The following ZNF581 variants were observed in gnomAD, a reference collection of about 807,000 sequenced individuals.
ZNF581 encodes the protein zinc finger protein 581.
In ZNF581, 1 loss-of-function variant was observed where a neutral mutation model predicts 1.2. The observed-to-expected ratio is 0.83, with a 90% CI of 0.30 to 3.95. The LOEUF (loss-of-function observed/expected upper bound fraction) is 3.95, where lower values mean the gene tolerates loss of function less well. Ranked by LOEUF, ZNF581 falls within the 30% of genes most tolerant of loss-of-function variation. The pLI is 0.18. For missense variants in ZNF581, 273 were observed against 274.6 expected, an observed-to-expected ratio of 0.99 and a Z score of 0.04; for synonymous variants, 105 against 109.2, an observed-to-expected ratio of 0.96 and a Z score of 0.24.
upstream of ZNF581, chr19:55,641,947 C>A (rs1409970218): frequency 2.8e-6 from 2 of 706,878 alleles, no homozygotes; most frequent in Admixed American, 9.9e-5. Flanking sequence ...AGGGAGGCCA[C>A]GGAATATGAA....
Position 55,645,451 on chromosome 19 carries a change from G to C in ZNF581, c.*286G>C. 3.0e-6 allele frequency: 1 copy of C among 336,956 alleles called. No individual in the cohort carries two copies. The highest frequency in any genetic ancestry group is 4.7e-5 in the Admixed American group (1 of 21,404). The allele number at this position is 336,956 out of a possible 1,614,324, so 20.9% of individuals were successfully genotyped here. A position where few individuals can be genotyped will look rare whatever the true frequency, so the allele number is the denominator to read the frequency against. On this transcript the variant is annotated 3_prime_UTR_variant, in exon 2 of 2. Transcript: ENST00000270451. ...AGAGCCTTGACTGGATGGAGGTGGGGAGTGTGGTGTGTAAAGTCTCTGGCC... is the reference window on the plus strand; with the variant it reads ...AGAGCCTTGACTGGATGGAGGTGGGCAGTGTGGTGTGTAAAGTCTCTGGCC...
chr19:55,640,780 G>GT, upstream of ZNF581: 6 of 985,500 alleles, frequency 6.1e-6, no homozygotes, highest in Non-Finnish European at 7.2e-6. Flanking sequence ...GGGCGAAGAC[G>GT]TAACTTTGCT....
upstream of ZNF581, among the ~76,000 whole-genome samples, chr19:55,637,129 A>ATT (rs34438599): frequency 6.6e-6 from 1 of 151,744 alleles, no homozygotes; most frequent in Non-Finnish European, 1.5e-5. Flanking sequence ...TATTATTATC[A>ATT]TTTTTTTTGG....
chr19:55,640,207 G>GAGTGCTGCCGCGTGTGCAGCTCTCC, upstream of ZNF581: 1 of 985,476 alleles, frequency 1.0e-6, no homozygotes, highest in Non-Finnish European at 1.2e-6. Context: ...CAGCTGCCCC[G>GAGTGCTGCCGCGTGTGCAGCTCTCC]AGTGCTGCCG....
chr19:55,640,089 C>T (rs1319144145), upstream of ZNF581: 1 of 980,836 alleles, frequency 1.0e-6, no homozygotes, highest in Admixed American at 6.1e-5. Flanking sequence ...TTGGGGCTCG[C>T]TGTGACAGTT....
At chr19:55,642,666 A>G (rs1982592349), upstream of ZNF581, 1 of 1,410,994 alleles carries the variant, frequency 7.1e-7, no homozygotes, top group Non-Finnish European at 9.3e-7. Context: ...CTGGGCCGCC[A>G]CCTCCTCATC....
upstream of ZNF581, chr19:55,641,056 C>A (rs994635251): frequency 4.4e-5 from 43 of 985,278 alleles, no homozygotes; most frequent in African/African-American, 6.6e-4. Context: ...CCAGTCCCCG[C>A]GTCCCCGGCG....
upstream of ZNF581, chr19:55,641,842 C>A (rs1208593412): frequency 1.2e-5 from 2 of 160,466 alleles, no homozygotes; most frequent in African/African-American, 4.8e-5. Context: ...GACTAGACTT[C>A]GAGGTGCTAA....
chr19:55,642,735 C>CG, upstream of ZNF581: 1 of 1,515,790 alleles, frequency 6.6e-7, no homozygotes. Flanking sequence ...CCCCGGGGCC[C>CG]GCCCCAGCGC....
chr19:55,638,231 T>TTTTG (rs149274660), upstream of ZNF581, among the ~76,000 whole-genome samples: 108 of 151,940 alleles, frequency 7.1e-4, no homozygotes, highest in Middle Eastern at 3.4e-3. Context: ...TGACACGCTT[T>TTTTG]TTTGTTTGTT....
upstream of ZNF581, among the ~76,000 whole-genome samples, chr19:55,641,357 G>A (rs1214813374): frequency 6.6e-6 from 1 of 152,216 alleles, no homozygotes; most frequent in Non-Finnish European, 1.5e-5. Context: ...GGAAGTGAAG[G>A]CAATAGGAGG....
chr19:55,640,813 C>T, upstream of ZNF581: 2 of 985,520 alleles, frequency 2.0e-6, no homozygotes, highest in Non-Finnish European at 2.4e-6. Flanking sequence ...ATTGGCCGAT[C>T]TCTTGTCAAG....
In ZNF581 at chr19:55,645,003, C is replaced by A; in HGVS notation, c.432C>A (p.Pro144=). 6.3e-7 allele frequency: 1 copy of A among 1,599,560 alleles called. No homozygotes were observed. Among genetic ancestry groups the A allele is most frequent in the Non-Finnish European group, 8.6e-7 (1 of 1,168,788 alleles). Residue 144 remains proline, a synonymous_variant, in exon 2 of 2, where the codon CCC becomes CCA. Transcript: ENST00000270451. ...TTCACCTGGCGGGTGGTGGGCGGCC[C>A]CACGGCTGCCCGCTCTGCCCTCGCC... ...HSIHLAGGGR[P]HGCPLCPRRF... is the part of the protein sequence containing the mutation.
At chr19:55,640,276 TCCTTC>T (rs1982371873), upstream of ZNF581, 1 of 985,322 alleles carries the variant, frequency 1.0e-6, no homozygotes, top group African/African-American at 1.7e-5. Context: ...GACGCCGGAG[TCCTTC>T]GCATGCGCAG....
intron 1 of ZNF581, chr19:55,635,774 C>T: frequency 1.1e-6 from 1 of 944,508 alleles, no homozygotes; most frequent in Non-Finnish European, 1.3e-6. Context: ...CCTTTCATGG[C>T]AGGCTGAGGG....
upstream of ZNF581, chr19:55,640,268 C>T (rs1181510398): frequency 4.1e-6 from 4 of 985,356 alleles, no homozygotes; most frequent in Non-Finnish European, 3.6e-6. Context: ...TTGCTTTCGA[C>T]GCCGGAGTCC....
chr19:55,641,349 A>T (rs1210968269), upstream of ZNF581, among the ~76,000 whole-genome samples: 1 of 151,960 alleles, frequency 6.6e-6, no homozygotes, highest in Non-Finnish European at 1.5e-5. Flanking sequence ...CTCCTTGGGG[A>T]AGTGAAGGCA....
rs1396004968 is a variant in ZNF581, at chr19:55,644,820, G to C, written c.249G>C (p.Gln83His). Residue 83 changes from glutamine (Q) to histidine (H), a missense_variant, in exon 2 of 2, where the codon CAG becomes CAC. Gln to His is a conservative substitution (Grantham distance 24). Transcript: ENST00000270451. This position sits in a 1 kb window ranked among gnomAD's most constrained non-coding sequence, Gnocchi z 4.3. ...CAGGGGCCAGTGGGGCTCCAGGCCA[G>C]AAAAAGTGCTACAGCTGCCCCGTGT... The part of the protein sequence containing the change: ...REPGASGAPG[Q>H]KKCYSCPVCS... 1 of 1,612,544 alleles carries C rather than the reference G, an allele frequency of 6.2e-7. No homozygotes were observed. The highest frequency in any genetic ancestry group is 8.5e-7 in the Non-Finnish European group (1 of 1,178,642).
chr19:55,635,853 C>A, intron 1 of ZNF581: 2 of 352,456 alleles, frequency 5.7e-6, no homozygotes, highest in Non-Finnish European at 8.0e-6. Flanking sequence ...ATAGGTGACA[C>A]CTAGCCAACT....
Sources: gnomAD v4.1 joint callset for allele counts (sites outside exome capture counted in the v4.1 genomes callset) on GRCh38, gnomAD v4.1.1 for gene constraint, Gnocchi (gnomAD v3.1) non-coding constraint, MANE v1.5 for transcripts, NCBI Gene and HGNC (gene_info 2026-07-23, HGNC 2026-07-21) for gene names.